The following SLC17A6 variants were observed in gnomAD, a reference collection of about 807,000 sequenced individuals.
SLC17A6 encodes the protein solute carrier family 17 member 6.
SLC17A6 carries 35 observed loss-of-function variants against 67.1 expected under a neutral mutation model. The observed-to-expected ratio is 0.52, with a 90% CI of 0.40 to 0.69. The LOEUF is 0.69. Among genes scored for constraint, SLC17A6 ranks in the 30% least tolerant of loss-of-function variants. The probability of loss-of-function intolerance (pLI) is 0.00; values close to 1 mark genes in which losing one functional copy is unlikely to be tolerated. For synonymous variants in SLC17A6, 285 were observed against 252.3 expected, an observed-to-expected ratio of 1.13 and a Z score of -1.23; for missense variants, 588 against 723.9, an observed-to-expected ratio of 0.81 and a Z score of 2.15.
rs1856066829 is a variant in SLC17A6 at position 22,362,723 on chromosome 11, C to T, written c.662-16C>T. The T allele has an allele frequency of 6.2e-7, 1 of 1,606,278 alleles. No homozygotes were observed. Among genetic ancestry groups the T allele is most frequent in the Non-Finnish European group, 8.5e-7 (1 of 1,173,044 alleles). On this transcript the variant is annotated splice_polypyrimidine_tract_variant and intron_variant, in intron 5 of 11. Transcript: ENST00000263160. Reference sequence around the variant, plus strand: ...TGATTTCACTCACCTTTCTCCCATTCTTCCTTACACTTTAGGTTCCTATGC... The same window carrying T: ...TGATTTCACTCACCTTTCTCCCATTTTTCCTTACACTTTAGGTTCCTATGC...
At chr11:22,376,127 A>G in intron 10 of SLC17A6, 35 bp downstream of exon 10, 1 of 1,475,246 alleles carries the variant, frequency 6.8e-7, no homozygotes, top group Non-Finnish European at 9.4e-7. Context: ...TACTTGGGAC[A>G]TTCTGATTTT....
chr11:22,359,644 TA>T, intron 4 of SLC17A6, 117 bp downstream of exon 4: 1 of 486,898 alleles, frequency 2.1e-6, no homozygotes, highest in Non-Finnish European at 3.4e-6. Context: ...TAAATAGAGT[TA>T]AAATAAAAAA....
At chr11:22,345,302 T>C (rs530399489) in intron 3 of SLC17A6, among the ~76,000 whole-genome samples, 9 of 150,624 alleles carry the variant, frequency 6.0e-5, no homozygotes, top group Non-Finnish European at 1.2e-4. Flanking sequence ...ATCTGGTAGA[T>C]TTTACTCAAA....
At position 22,339,132 on chromosome 11, in the gene SLC17A6, ATATATATATGTTATATATAGT is replaced by A. The variant is rs1390508586; in HGVS notation, c.86+523_86+543del. ...TATATATATGTTATATATATATGTT[ATATATATATGTTATATATAGT>A]TATATATATATGTTATATATATATG... On this transcript the variant is annotated intron_variant, in intron 1 of 11. Coordinates refer to ENST00000263160, the MANE Select transcript of SLC17A6 (RefSeq NM_020346.3). 3.1e-3 allele frequency among the ~76,000 whole-genome samples: 126 copies of A among 40,662 alleles called. 5 individuals are homozygous for A. The highest frequency in any genetic ancestry group is 0.017 in the Admixed American group (81 of 4,822). 26.7% of individuals were successfully genotyped at this position (40,662 alleles called of 152,430 possible). A position where few individuals can be genotyped will look rare whatever the true frequency, so the allele number is the denominator to read the frequency against.
intron 9 of SLC17A6, among the ~76,000 whole-genome samples, chr11:22,375,274 A>G (rs533015605): frequency 1.3e-4 from 20 of 151,964 alleles, no homozygotes; most frequent in Middle Eastern, 3.4e-3. Context: ...TGGAAGACTG[A>G]GGCAGGAGAA....
intron 7 of SLC17A6, among the ~76,000 whole-genome samples, chr11:22,367,784 C>A (rs1177994331): frequency 6.6e-6 from 1 of 152,164 alleles, no homozygotes; most frequent in Non-Finnish European, 1.5e-5. Flanking sequence ...AATGAAAAAA[C>A]AGCATAATCT....
rs777775342 is a variant in SLC17A6, at chr11:22,379,159, G to A, written c.*1419G>A. On this transcript the variant is annotated 3_prime_UTR_variant, in exon 12 of 12. Transcript: ENST00000263160. ...ATAATTTTATTTTTCTTTTAAAAAA[G>A]CTAACATCAGACCCCTTTATAATGT... The A allele has an allele frequency of 3.3e-5, 5 of 152,436 alleles. No individual in the cohort carries two copies. Among genetic ancestry groups the A allele is most frequent in the African/African-American group, 4.8e-5 (2 of 41,410 alleles). The allele number at this position is 152,436 out of a possible 1,614,324, so 9.4% of individuals were successfully genotyped here.
intron 4 of SLC17A6, among the ~76,000 whole-genome samples, chr11:22,360,517 C>A (rs139985291): frequency 3.5e-5 from 5 of 143,338 alleles, no homozygotes; most frequent in African/African-American, 1.3e-4. Context: ...CCAAAAAACC[C>A]GCTCTCCTTC....
intron 1 of SLC17A6, among the ~76,000 whole-genome samples, chr11:22,339,488 T>C (rs2133855743): frequency 6.6e-6 from 1 of 152,260 alleles, no homozygotes; most frequent in South Asian, 2.1e-4. Flanking sequence ...TTTAATTATT[T>C]AATCCTCCTG....
rs1408705362 is a variant in SLC17A6, at chr11:22,377,926, A to T, written c.*186A>T. ...GCAATCTGTAAAATTGTGAAGTTCC[A>T]TCATTTCCATTCAAGTCATCCATTC... On this transcript the variant is annotated 3_prime_UTR_variant, in exon 12 of 12. Transcript: ENST00000263160. 1 of 549,622 alleles carries T rather than the reference A, an allele frequency of 1.8e-6. No homozygotes were observed. The highest frequency in any genetic ancestry group is 3.0e-5 in the East Asian group (1 of 33,492). 34.0% of individuals were successfully genotyped at this position (549,622 alleles called of 1,614,324 possible). A position where few individuals can be genotyped will look rare whatever the true frequency, so the allele number is the denominator to read the frequency against.
At chr11:22,373,530 C>A (rs59889745) in intron 8 of SLC17A6, among the ~76,000 whole-genome samples, 5,464 of 152,026 alleles carry the variant, frequency 0.036, 305 homozygotes, top group African/African-American at 0.12. Context: ...CTGCTACATA[C>A]CAAGTTTTGT....
intron 3 of SLC17A6, among the ~76,000 whole-genome samples, chr11:22,357,058 AG>A (rs1490622780): frequency 1.3e-5 from 2 of 152,244 alleles, no homozygotes; most frequent in African/African-American, 4.8e-5. Context: ...ATGCATAATC[AG>A]GTATAAATCC....
chr11:22,377,995 C>A lies in SLC17A6; in HGVS notation c.*255C>A. 4.0e-6 allele frequency: 2 copies of A among 494,910 alleles called. No homozygotes were observed. Among genetic ancestry groups the A allele is most frequent in the Non-Finnish European group, 7.1e-6 (2 of 283,208 alleles). The allele number at this position is 494,910 out of a possible 1,614,324, so 30.7% of individuals were successfully genotyped here. A position where few individuals can be genotyped will look rare whatever the true frequency, so the allele number is the denominator to read the frequency against. On this transcript the variant is annotated 3_prime_UTR_variant, in exon 12 of 12. Transcript: ENST00000263160. The stretch of plus-strand genomic sequence containing the variant: ...GGTTGACTGGTCAAAATTGTAGAAA[C>A]AAGTAGTTACCCATTGGATTCATAT...
rs1345000925 is a variant in SLC17A6, at chr11:22,377,330, G to A, written c.1414-75G>A. The A allele has an allele frequency of 3.0e-6, 4 of 1,319,038 alleles. No individual in the cohort carries two copies. In the South Asian group the frequency reaches 4.3e-5, roughly 14 times the overall value. 81.7% of individuals were successfully genotyped at this position (1,319,038 alleles called of 1,614,324 possible). Reference sequence around the variant, plus strand: ...AGTGTTTTATGAAAACTCAGTGGTGGTGCATTCAGAGAAGATGTTAGGCGT... The same window carrying A: ...AGTGTTTTATGAAAACTCAGTGGTGATGCATTCAGAGAAGATGTTAGGCGT... On this transcript the variant is annotated intron_variant, in intron 11 of 11. Transcript: ENST00000263160.
chr11:22,338,495 A>G lies in SLC17A6; in HGVS notation c.-39A>G. ...ATCCTCGCCTTTCCTAGCAATCACTATTTAAATCTGGCAAGAACTGACAAC... is the reference window on the plus strand; with the variant it reads ...ATCCTCGCCTTTCCTAGCAATCACTGTTTAAATCTGGCAAGAACTGACAAC... On this transcript the variant is annotated 5_prime_UTR_variant, in exon 1 of 12. Transcript: ENST00000263160. The G allele has an allele frequency of 1.4e-6, 2 of 1,423,650 alleles. No individual in the cohort carries two copies. Among genetic ancestry groups the G allele is most frequent in the Non-Finnish European group, 9.9e-7 (1 of 1,009,062 alleles). 88.2% of individuals were successfully genotyped at this position (1,423,650 alleles called of 1,614,324 possible). A position where few individuals can be genotyped will look rare whatever the true frequency, so the allele number is the denominator to read the frequency against.
At chr11:22,362,431 C>T (rs1856063406) in intron 5 of SLC17A6, 2 of 404,366 alleles carry the variant, frequency 4.9e-6, no homozygotes, top group Non-Finnish European at 9.3e-6. Flanking sequence ...ATACTCTGTC[C>T]CAAGTCCAGC....
intron 7 of SLC17A6, among the ~76,000 whole-genome samples, chr11:22,368,380 A>C (rs1483489365): frequency 6.6e-6 from 1 of 152,100 alleles, no homozygotes; most frequent in Non-Finnish European, 1.5e-5. Flanking sequence ...ATTTAAATAT[A>C]GCATATGTAC....
In SLC17A6 at chr11:22,363,828, C is replaced by T. The variant is rs1364135788; in HGVS notation, c.748+1003C>T. On this transcript the variant is annotated intron_variant, in intron 6 of 11. Coordinates refer to ENST00000263160, the MANE Select transcript of SLC17A6 (RefSeq NM_020346.3). ...TTTAAAAATCAGATTTTAATTTATA[C>T]TCTTCATTACATTTTCAAAGGAGTG... is the stretch of plus-strand genomic sequence containing the variant. Among the ~76,000 whole-genome samples, 3 of 151,788 alleles carry T rather than the reference C, an allele frequency of 2.0e-5. No individual in the cohort carries two copies. The East Asian group carries it at 5.8e-4, about 29-fold the overall frequency.
intron 11 of SLC17A6, 131 bp downstream of exon 11, chr11:22,376,803 A>G: frequency 2.2e-6 from 2 of 893,308 alleles, no homozygotes; most frequent in Non-Finnish European, 1.7e-6. Flanking sequence ...TGAGTGGGAA[A>G]TATAAATGAG....
Sources: allele counts gnomAD v4.1 joint callset (sites outside exome capture counted in the v4.1 genomes callset), GRCh38; gene constraint gnomAD v4.1.1; transcripts MANE v1.5; gene names NCBI Gene and HGNC (gene_info 2026-07-23, HGNC 2026-07-21).